The following DYNC1I2 variants were observed in gnomAD, a reference collection of about 807,000 sequenced individuals.
DYNC1I2 encodes dynein cytoplasmic 1 intermediate chain 2.
Under a neutral mutation model 88.6 loss-of-function variants are expected in DYNC1I2, and 53 were observed. The observed-to-expected ratio is 0.60, with a 90% CI of 0.48 to 0.75. The LOEUF (loss-of-function observed/expected upper bound fraction) is 0.75. Among genes scored for constraint, DYNC1I2 ranks in the 30% least tolerant of loss-of-function variants. The pLI is 0.00. For missense variants in DYNC1I2, 458 were observed against 766.6 expected (o/e 0.60, Z 4.75); for synonymous variants, 198 against 254.6 (o/e 0.78, Z 2.12).
At chr2:171,738,893 A>G (rs1689196245) in intron 15 of DYNC1I2, among the ~76,000 whole-genome samples, 1 of 152,204 alleles carries the variant, frequency 6.6e-6, no homozygotes. Flanking sequence ...TCACGCCTGT[A>G]ATCCCAGCAC....
rs1258175124 is a variant in DYNC1I2 at position 171,748,723 on chromosome 2, T to G, written c.*834T>G. 6.6e-6 allele frequency among the ~76,000 whole-genome samples: 1 copy of G among 152,182 alleles called. No individual in the cohort carries two copies. Among genetic ancestry groups the G allele is most frequent in the African/African-American group, 2.4e-5 (1 of 41,452 alleles). On this transcript the variant is annotated 3_prime_UTR_variant, in exon 18 of 18. Coordinates refer to ENST00000397119, the MANE Select transcript of DYNC1I2 (RefSeq NM_001378.3). ...AAAGCTGCCTATAATTTTCACTGAT[T>G]AAGAACTATGTATGTGACCTCACTG... is the stretch of plus-strand genomic sequence containing the variant.
intron 3 of DYNC1I2, among the ~76,000 whole-genome samples, chr2:171,700,197 G>A (rs1177922038): frequency 4.6e-5 from 7 of 152,168 alleles, no homozygotes; most frequent in Non-Finnish European, 1.0e-4. Flanking sequence ...TGGGACAGCT[G>A]AGTTCCCATC....
intron 16 of DYNC1I2, among the ~76,000 whole-genome samples, chr2:171,745,388 T>C (rs1689710696): frequency 6.6e-6 from 1 of 152,228 alleles, no homozygotes; most frequent in Admixed American, 6.5e-5. Flanking sequence ...AGATACATGC[T>C]GCACAAGTGA....
intron 3 of DYNC1I2, among the ~76,000 whole-genome samples, chr2:171,695,396 G>A (rs957675255): frequency 1.3e-5 from 2 of 151,988 alleles, no homozygotes; most frequent in African/African-American, 4.8e-5. Flanking sequence ...ACCATGCCCG[G>A]CCCACTTTTG....
At chr2:171,701,794 A>T (rs1020130031) in intron 3 of DYNC1I2, among the ~76,000 whole-genome samples, 18 of 152,328 alleles carry the variant, frequency 1.2e-4, no homozygotes, top group African/African-American at 3.8e-4. Context: ...GATTATTAAT[A>T]AAAAATTTTT....
At chr2:171,696,203 A>C (rs553970304) in intron 3 of DYNC1I2, among the ~76,000 whole-genome samples, 1 of 152,150 alleles carries the variant, frequency 6.6e-6, no homozygotes, top group Non-Finnish European at 1.5e-5. Flanking sequence ...GATATGATCA[A>C]ATCCTTCATT....
intron 7 of DYNC1I2, among the ~76,000 whole-genome samples, chr2:171,721,375 C>G (rs1236077194): frequency 6.6e-6 from 1 of 152,064 alleles, no homozygotes; most frequent in Non-Finnish European, 1.5e-5. Flanking sequence ...TTGATAGATT[C>G]ATGAAACTTT....
chr2:171,741,728 C>G (rs1406574280), intron 15 of DYNC1I2, among the ~76,000 whole-genome samples: 1 of 152,158 alleles, frequency 6.6e-6, no homozygotes, highest in Non-Finnish European at 1.5e-5. Context: ...GGCTTCTCAA[C>G]TGAGAAATCA....
intron 6 of DYNC1I2, among the ~76,000 whole-genome samples, chr2:171,714,823 G>A (rs1046900061): frequency 2.0e-5 from 3 of 152,128 alleles, no homozygotes; most frequent in Admixed American, 1.3e-4. Flanking sequence ...CAAATTGATA[G>A]TGTAATTCTC....
At chr2:171,739,148 C>T (rs1274870466) in intron 15 of DYNC1I2, among the ~76,000 whole-genome samples, 1 of 150,184 alleles carries the variant, frequency 6.7e-6, no homozygotes, top group East Asian at 1.9e-4. Context: ...AGTGAGACTT[C>T]ATTTGGTGGT....
At chr2:171,743,514 G>C (rs766419852) in intron 15 of DYNC1I2, among the ~76,000 whole-genome samples, 1 of 152,184 alleles carries the variant, frequency 6.6e-6, no homozygotes, top group African/African-American at 2.4e-5. Flanking sequence ...GTGAGGTTCT[G>C]TTCTCCACCT....
intron 2 of DYNC1I2, 122 bp downstream of exon 2, chr2:171,690,385 T>A: frequency 1.5e-6 from 1 of 655,654 alleles, no homozygotes; most frequent in South Asian, 2.6e-5. Context: ...TGGCAAAAAT[T>A]ATGATTGCTT....
At chr2:171,706,785 T>A in intron 4 of DYNC1I2, 1 of 463,914 alleles carries the variant, frequency 2.2e-6, no homozygotes, top group Non-Finnish European at 3.8e-6. Flanking sequence ...TTTTAAACAT[T>A]ACTTTTTGAA....
intron 2 of DYNC1I2, 48 bp from the exon 3 acceptor site, chr2:171,692,720 TGCAAACAAA>T: frequency 1.6e-6 from 2 of 1,274,338 alleles, no homozygotes; most frequent in Admixed American, 2.5e-5. Context: ...AAAACATTTT[TGCAAACAAA>T]TTTTTCATAC....
At chr2:171,693,304 C>T (rs1685528238) in intron 3 of DYNC1I2, among the ~76,000 whole-genome samples, 1 of 152,084 alleles carries the variant, frequency 6.6e-6, no homozygotes, top group Non-Finnish European at 1.5e-5. Flanking sequence ...TATTAGTATT[C>T]AAAGGTACAG....
intron 15 of DYNC1I2, among the ~76,000 whole-genome samples, chr2:171,730,298 A>G (rs999321442): frequency 2.0e-5 from 3 of 152,236 alleles, no homozygotes; most frequent in East Asian, 1.9e-4. Context: ...CTGATTTACA[A>G]TAAGTCCTGT....
At chr2:171,722,770 T>G (rs1687985972) in intron 7 of DYNC1I2, among the ~76,000 whole-genome samples, 1 of 152,208 alleles carries the variant, frequency 6.6e-6, no homozygotes, top group Admixed American at 6.5e-5. Context: ...GATTGCATTT[T>G]ACAGTTTTTA....
At chr2:171,692,642 A>G (rs1034703477) in intron 2 of DYNC1I2, 135 bp from the exon 3 acceptor site, 1 of 585,690 alleles carries the variant, frequency 1.7e-6, no homozygotes, top group Non-Finnish European at 3.0e-6. Flanking sequence ...AATGACTATA[A>G]AAAGAACTTA....
At chr2:171,738,337 G>GA (rs955588710) in intron 15 of DYNC1I2, among the ~76,000 whole-genome samples, 28 of 142,750 alleles carry the variant, frequency 2.0e-4, no homozygotes, top group Middle Eastern at 7.2e-3. Flanking sequence ...CAGCTCAAAA[G>GA]AAAAAAAAAA....
Sources: allele counts gnomAD v4.1 joint callset (sites outside exome capture counted in the v4.1 genomes callset), GRCh38; gene constraint gnomAD v4.1.1; transcripts MANE v1.5; gene names NCBI Gene and HGNC (gene_info 2026-07-23, HGNC 2026-07-21).